HAUS1: variants seen among roughly 807,000 people sequenced by gnomAD.
The protein encoded by HAUS1 is HAUS augmin-like complex subunit 1.
A neutral mutation model predicts 38.6 loss-of-function variants in HAUS1; 25 were observed. The observed-to-expected ratio is 0.65, with a 90% confidence interval of 0.47 to 0.91. The LOEUF (loss-of-function observed/expected upper bound fraction) is 0.91, where lower values mean the gene tolerates loss of function less well. Among genes scored for constraint, HAUS1 ranks in the 40% least tolerant of loss-of-function variants. The probability of loss-of-function intolerance (pLI) is 0.00; values close to 1 mark genes in which losing one functional copy is unlikely to be tolerated. For synonymous variants in HAUS1, 109 were observed against 112.9 expected (o/e 0.97, Z 0.22); for missense variants, 325 against 328.4 (o/e 0.99, Z 0.08).
chr18:46,128,166 T>A lies in HAUS1; in HGVS notation c.*41T>A. On this transcript the variant is annotated 3_prime_UTR_variant, in exon 9 of 9. Transcript: ENST00000282058. ...CATCCTTTTCCCTAACAAAGTAAAT[T>A]GAATAGGACTTTACAGAGTTCTTTT... 1 of 1,293,816 alleles carries A rather than the reference T, an allele frequency of 7.7e-7. No individual in the cohort carries two copies. The highest frequency in any genetic ancestry group is 1.5e-5 in the African/African-American group (1 of 67,076). The allele number at this position is 1,293,816 out of a possible 1,614,324, so 80.1% of individuals were successfully genotyped here. A position where few individuals can be genotyped will look rare whatever the true frequency, so the allele number is the denominator to read the frequency against.
intron 2 of HAUS1, among the ~76,000 whole-genome samples, chr18:46,108,005 T>C (rs1481921725): frequency 6.6e-6 from 1 of 152,104 alleles, no homozygotes; most frequent in Non-Finnish European, 1.5e-5. Context: ...TGCCTGGCTG[T>C]GTGGAGATTT....
Position 46,122,522 on chromosome 18 carries a change from C to T in HAUS1, c.532C>T (p.Arg178Cys), listed in dbSNP as rs781543549. ...TACAGAAAGGGCCAAAGTTGATAATCGTCGTCAGAACATGGACTTTCTAAA... is the reference window on the plus strand; with the variant it reads ...TACAGAAAGGGCCAAAGTTGATAATTGTCGTCAGAACATGGACTTTCTAAA... ...LSTERAKVDN[R>C]RQNMDFLKAK... Residue 178 changes from arginine to cysteine, a missense_variant, in exon 5 of 9, where the codon CGT becomes TGT. Coordinates refer to ENST00000282058, the MANE Select transcript of HAUS1 (RefSeq NM_138443.4). 25 of 1,613,780 alleles carry T rather than the reference C, an allele frequency of 1.5e-5. No homozygotes were observed. The highest frequency in any genetic ancestry group is 1.7e-5 in the Admixed American group (1 of 59,972).
intron 4 of HAUS1, among the ~76,000 whole-genome samples, chr18:46,120,329 G>C (rs1304501153): frequency 6.6e-6 from 1 of 151,878 alleles, no homozygotes; most frequent in African/African-American, 2.4e-5. Flanking sequence ...CCACCTCCTG[G>C]GTTCAAGCAA....
At chr18:46,114,075 A>G (rs1366561628) in intron 2 of HAUS1, among the ~76,000 whole-genome samples, 1 of 152,180 alleles carries the variant, frequency 6.6e-6, no homozygotes, top group Non-Finnish European at 1.5e-5. Flanking sequence ...AGCAATTCCA[A>G]TCAAATTCTA....
intron 2 of HAUS1, among the ~76,000 whole-genome samples, chr18:46,116,716 A>G (rs1400582484): frequency 6.6e-6 from 1 of 151,248 alleles, no homozygotes; most frequent in Non-Finnish European, 1.5e-5. Context: ...AATTCAAATC[A>G]AAACCACAGT....
At chr18:46,125,950 G>A (rs1373289480) in intron 8 of HAUS1, 159 bp downstream of exon 8, 1 of 590,632 alleles carries the variant, frequency 1.7e-6, no homozygotes, top group Admixed American at 3.1e-5. Flanking sequence ...TACTTTTTTG[G>A]CTGTGTACGT....
chr18:46,106,272 C>T (rs1449356209), intron 2 of HAUS1, among the ~76,000 whole-genome samples: 1 of 151,794 alleles, frequency 6.6e-6, no homozygotes, highest in African/African-American at 2.4e-5. Flanking sequence ...AGATCAAGAC[C>T]ATCCTGGCTA....
In HAUS1 at chr18:46,105,287, G is replaced by C. The variant is rs780829199; in HGVS notation, c.124G>C (p.Glu42Gln). The C allele has an allele frequency of 1.2e-6, 2 of 1,613,704 alleles. No homozygotes were observed. The highest frequency in any genetic ancestry group is 1.7e-6 in the Non-Finnish European group (2 of 1,179,790). ...RTTEILHHLSERNRVRDRDVY... is the reference protein window; with the variant it reads ...RTTEILHHLSQRNRVRDRDVY... Reference sequence around the variant, plus strand: ...CACAGAGATTTTACATCACCTTTCAGAACGCAACAGGGTCCGGGACAGGGA... The same window carrying C: ...CACAGAGATTTTACATCACCTTTCACAACGCAACAGGGTCCGGGACAGGGA... The change falls in exon 2 of 9, where the codon GAA becomes CAA. Residue 42 changes from glutamate (E) to glutamine (Q), a missense_variant. By Grantham distance (29) the Glu-to-Gln change is conservative. Coordinates refer to ENST00000282058, the MANE Select transcript of HAUS1 (RefSeq NM_138443.4).
At chr18:46,105,044 T>C (rs1480607787) in intron 1 of HAUS1, 150 bp from the exon 2 acceptor site, 1 of 492,624 alleles carries the variant, frequency 2.0e-6, no homozygotes, top group African/African-American at 2.0e-5. Context: ...ATATCTAGTA[T>C]CTCCCTAAAG....
At chr18:46,116,724 A>G (rs550174279) in intron 2 of HAUS1, among the ~76,000 whole-genome samples, 8 of 151,574 alleles carry the variant, frequency 5.3e-5, no homozygotes, top group Non-Finnish European at 1.0e-4. Context: ...TCAAAACCAC[A>G]GTGCTAGGCT....
intron 3 of HAUS1, among the ~76,000 whole-genome samples, chr18:46,119,533 T>C (rs770340935): frequency 6.6e-6 from 1 of 152,126 alleles, no homozygotes; most frequent in Non-Finnish European, 1.5e-5. Context: ...AGCTCTGTTA[T>C]AACTGGGGAA....
chr18:46,111,050 G>A (rs1214084874), intron 2 of HAUS1, among the ~76,000 whole-genome samples: 1 of 151,704 alleles, frequency 6.6e-6, no homozygotes, highest in Non-Finnish European at 1.5e-5. Context: ...CTAATGTTTT[G>A]TATTTTTAGT....
chr18:46,111,177 T>C (rs1434156127), intron 2 of HAUS1, among the ~76,000 whole-genome samples: 2 of 152,132 alleles, frequency 1.3e-5, no homozygotes, highest in African/African-American at 4.8e-5. Flanking sequence ...CTCAAGATTT[T>C]CTTTTACTTC....
chr18:46,119,452 A>T lies in HAUS1; in HGVS notation c.342-474A>T, dbSNP rs555722471. Reference sequence around the variant, plus strand: ...AATAATGTGTATTTTAGAATTTTTTAAACTTTTTTTTTATACTTACATACT... The same window carrying T: ...AATAATGTGTATTTTAGAATTTTTTTAACTTTTTTTTTATACTTACATACT... On this transcript the variant is annotated intron_variant, in intron 3 of 8. Coordinates refer to ENST00000282058, the MANE Select transcript of HAUS1 (RefSeq NM_138443.4). Among the ~76,000 whole-genome samples the T allele has an allele frequency of 4.1e-4, 62 of 152,116 alleles. 1 individual carries two copies. Among genetic ancestry groups the T allele is most frequent in the Non-Finnish European group, 2.9e-5 (2 of 67,994 alleles).
At chr18:46,110,241 G>A (rs182434115) in intron 2 of HAUS1, among the ~76,000 whole-genome samples, 10 of 137,852 alleles carry the variant, frequency 7.3e-5, no homozygotes, top group Admixed American at 2.3e-4. Context: ...CTGCAGCCTC[G>A]AACTTCTGGG....
intron 4 of HAUS1, 147 bp from the exon 5 acceptor site, chr18:46,122,320 C>A (rs1191951647): frequency 1.7e-5 from 10 of 602,570 alleles, no homozygotes; most frequent in African/African-American, 4.2e-5. Flanking sequence ...AAAAAAAAAA[C>A]CCAGAGTGCA....
At chr18:46,107,252 T>C (rs903535771) in intron 2 of HAUS1, among the ~76,000 whole-genome samples, 13 of 152,140 alleles carry the variant, frequency 8.5e-5, no homozygotes, top group African/African-American at 3.1e-4. Flanking sequence ...TAAATGATTT[T>C]ATTTTTGTAA....
At chr18:46,110,335 T>TTG (rs1220524858) in intron 2 of HAUS1, among the ~76,000 whole-genome samples, 1 of 87,582 alleles carries the variant, frequency 1.1e-5, no homozygotes, top group Non-Finnish European at 2.1e-5. Flanking sequence ...TTTTTAAGGT[T>TTG]TTTTTTTTTT....
chr18:46,119,919 CTTT>C lies in HAUS1; in HGVS notation c.342-5_342-3del. ...AGCCCATGTATATGACCAGATTCTT[CTTT>C]TAGTTTTATCCCTGCAGTGAATGAT... On this transcript the variant is annotated splice_region_variant and splice_polypyrimidine_tract_variant and intron_variant, in intron 3 of 8. Transcript: ENST00000282058. The C allele has an allele frequency of 6.3e-7, 1 of 1,575,276 alleles. No individual in the cohort carries two copies. The highest frequency in any genetic ancestry group is 8.6e-7 in the Non-Finnish European group (1 of 1,167,294).
Sources: allele counts gnomAD v4.1 joint callset (sites outside exome capture counted in the v4.1 genomes callset), GRCh38; gene constraint gnomAD v4.1.1; transcripts MANE v1.5; gene names NCBI Gene and HGNC (gene_info 2026-07-23, HGNC 2026-07-21).